The following ENPEP variants were observed in gnomAD, a reference collection of about 807,000 sequenced individuals.
The protein encoded by ENPEP is AP-A.
In ENPEP, 103 loss-of-function variants were observed where a neutral mutation model predicts 114.5. The ratio of observed to expected loss-of-function variants is 0.90; its 90% confidence interval spans 0.77 to 1.06. ENPEP has a LOEUF of 1.06. Ranked by LOEUF, ENPEP falls within the 50% of genes least tolerant of loss-of-function variation. The probability of loss-of-function intolerance (pLI) is 0.00; values close to 1 mark genes in which losing one functional copy is unlikely to be tolerated. For missense variants in ENPEP, 1,196 were observed against 1,161.3 expected, an observed-to-expected ratio of 1.03 and a Z score of -0.43; for synonymous variants, 420 against 422.0, an observed-to-expected ratio of 1.00 and a Z score of 0.06.
chr4:110,476,668 G>T lies in ENPEP; in HGVS notation c.254G>T (p.Ser85Ile). Residue 85 changes from serine (S) to isoleucine (I), a missense_variant, in exon 1 of 20, where the codon AGC becomes ATC. Physicochemically the swap from Ser to Ile is moderately radical, Grantham distance 142 (BLOSUM62 -2). Transcript: ENST00000265162. Reference protein sequence around the residue: ...QDICPASEDESGQWKNFRLPD... With the variant: ...QDICPASEDEIGQWKNFRLPD... ...ATCTGCCCGGCCAGTGAGGATGAGA[G>T]CGGACAGTGGAAAAACTTTCGACTG... 1 of 1,613,890 alleles carries T rather than the reference G, an allele frequency of 6.2e-7. No homozygotes were observed. Among genetic ancestry groups the T allele is most frequent in the Non-Finnish European group, 8.5e-7 (1 of 1,180,044 alleles).
At chr4:110,495,437 G>A (rs969671209) in intron 3 of ENPEP, among the ~76,000 whole-genome samples, 1 of 152,088 alleles carries the variant, frequency 6.6e-6, no homozygotes, top group African/African-American at 2.4e-5. Context: ...AATGGCAATG[G>A]TGGCCGGGCG....
chr4:110,487,110 A>G (rs957464820), intron 1 of ENPEP, among the ~76,000 whole-genome samples: 2 of 152,190 alleles, frequency 1.3e-5, no homozygotes, highest in Admixed American at 1.3e-4. Flanking sequence ...TATCTCAAGC[A>G]TTAATCTTAG....
chr4:110,490,628 C>T (rs1724672033), intron 2 of ENPEP, among the ~76,000 whole-genome samples: 1 of 152,144 alleles, frequency 6.6e-6, no homozygotes, highest in African/African-American at 2.4e-5. Flanking sequence ...GCCAATGTTC[C>T]GCTACACCAG....
intron 7 of ENPEP, 122 bp downstream of exon 7, chr4:110,513,671 G>T: frequency 8.8e-7 from 1 of 1,140,162 alleles, no homozygotes; most frequent in Non-Finnish European, 1.2e-6. Flanking sequence ...CAGTGTAGAA[G>T]TTATTCTGAG....
chr4:110,515,637 G>A (rs1725737121), intron 8 of ENPEP, 195 bp downstream of exon 8: 1 of 622,460 alleles, frequency 1.6e-6, no homozygotes, highest in Non-Finnish European at 2.9e-6. Context: ...TGATCATTTA[G>A]CAGAAGTCTC....
chr4:110,477,334 C>A (rs1189273115), intron 1 of ENPEP, among the ~76,000 whole-genome samples: 1 of 152,144 alleles, frequency 6.6e-6, no homozygotes, highest in Non-Finnish European at 1.5e-5. Context: ...ATATACTGCA[C>A]CCTATCTTGA....
Position 110,552,822 on chromosome 4 carries a change from C to T in ENPEP, c.2502-493C>T, listed in dbSNP as rs985155840. Among the ~76,000 whole-genome samples, 5 of 152,084 alleles carry T rather than the reference C, an allele frequency of 3.3e-5. 1 individual carries two copies. The highest frequency in any genetic ancestry group is 3.3e-4 in the Admixed American group (5 of 15,234). On this transcript the variant is annotated intron_variant, in intron 17 of 19. Transcript: ENST00000265162. ...CCAACTAATATAACCATATAGGTTA[C>T]ATTATAGGATTATTTCTTACAATCT...
At chr4:110,492,317 T>C (rs1349353148) in intron 3 of ENPEP, among the ~76,000 whole-genome samples, 1 of 152,238 alleles carries the variant, frequency 6.6e-6, no homozygotes, top group Non-Finnish European at 1.5e-5. Flanking sequence ...TCCAAACTCC[T>C]TCCAGATACT....
intron 13 of ENPEP, among the ~76,000 whole-genome samples, chr4:110,546,511 G>C (rs1727065615): frequency 6.6e-6 from 1 of 151,950 alleles, no homozygotes; most frequent in South Asian, 2.1e-4. Context: ...GAATGGCAAA[G>C]AGAACAGCTG....
At chr4:110,551,835 C>A (rs544667348) in intron 17 of ENPEP, among the ~76,000 whole-genome samples, 2 of 152,250 alleles carry the variant, frequency 1.3e-5, no homozygotes, top group East Asian at 3.9e-4. Context: ...TCCTTCTGCA[C>A]AGGGAGACAT....
chr4:110,521,097 A>G (rs1429903985), intron 10 of ENPEP, among the ~76,000 whole-genome samples: 2 of 152,320 alleles, frequency 1.3e-5, no homozygotes, highest in East Asian at 3.9e-4. Context: ...AGCACCCCTC[A>G]TACACACAGG....
chr4:110,520,393 A>C, intron 10 of ENPEP, 27 bp downstream of exon 10: 2 of 1,610,924 alleles, frequency 1.2e-6, no homozygotes. Context: ...CATTGAAAAA[A>C]ACACAGAAAT....
At chr4:110,500,351 A>C (rs1227734370) in intron 3 of ENPEP, among the ~76,000 whole-genome samples, 1 of 152,242 alleles carries the variant, frequency 6.6e-6, no homozygotes, top group Non-Finnish European at 1.5e-5. Flanking sequence ...ATATCAGCTG[A>C]ATAAGGCTGT....
intron 7 of ENPEP, 148 bp downstream of exon 7, chr4:110,513,697 A>T: frequency 1.1e-6 from 1 of 925,362 alleles, no homozygotes; most frequent in Non-Finnish European, 1.6e-6. Context: ...AATATTCAAT[A>T]GTTTGTACTT....
At position 110,477,763 on chromosome 4, in the gene ENPEP, T is replaced by G. The variant is rs147287074; in HGVS notation, c.644+705T>G. Among the ~76,000 whole-genome samples the G allele has an allele frequency of 2.9e-4, 44 of 152,308 alleles. 1 individual carries two copies. The highest frequency in any genetic ancestry group is 9.9e-4 in the African/African-American group (41 of 41,558). ...CAATGTGCAAACATAATGCTAAGCC[T>G]TTTACAACATAAAAGATATATTAAG... On this transcript the variant is annotated intron_variant, in intron 1 of 19. Transcript: ENST00000265162.
At chr4:110,505,852 C>A (rs1280714028) in intron 3 of ENPEP, among the ~76,000 whole-genome samples, 1 of 152,192 alleles carries the variant, frequency 6.6e-6, no homozygotes, top group East Asian at 1.9e-4. Flanking sequence ...CCAGAGACCA[C>A]ATCTACTTTC....
intron 11 of ENPEP, among the ~76,000 whole-genome samples, chr4:110,535,390 G>A (rs1726574442): frequency 6.6e-6 from 1 of 151,950 alleles, no homozygotes; most frequent in Non-Finnish European, 1.5e-5. Flanking sequence ...TGATGGGCAT[G>A]TATTTTTGTA....
In ENPEP at chr4:110,519,647, A is replaced by T. The variant is rs547851137; in HGVS notation, c.1510-361A>T. ...CACCACCACCACCACCACCATCATCATCATTATTATTCAAAAGGTTGTATA... is the reference window on the plus strand; with the variant it reads ...CACCACCACCACCACCACCATCATCTTCATTATTATTCAAAAGGTTGTATA... On this transcript the variant is annotated intron_variant, in intron 8 of 19. Transcript: ENST00000265162. 5 of 195,112 alleles carry T rather than the reference A, an allele frequency of 2.6e-5. 1 individual carries two copies. In the South Asian group the frequency reaches 5.2e-4, roughly 20 times the overall value. The allele number at this position is 195,112 out of a possible 1,614,324, so 12.1% of individuals were successfully genotyped here. A position where few individuals can be genotyped will look rare whatever the true frequency, so the allele number is the denominator to read the frequency against.
chr4:110,487,698 C>G (rs1724554824), intron 1 of ENPEP, among the ~76,000 whole-genome samples: 2 of 152,120 alleles, frequency 1.3e-5, no homozygotes, highest in Non-Finnish European at 2.9e-5. Flanking sequence ...CATTTCTTTA[C>G]TTTTATACTT....
Sources: allele counts gnomAD v4.1 joint callset (sites outside exome capture counted in the v4.1 genomes callset), GRCh38; gene constraint gnomAD v4.1.1; transcripts MANE v1.5; gene names NCBI Gene and HGNC (gene_info 2026-07-23, HGNC 2026-07-21).